The following RAB38 variants were observed in gnomAD, a reference collection of about 807,000 sequenced individuals.
RAB38 encodes RAB38, member RAS oncogene family.
Under a neutral mutation model 18.4 loss-of-function variants are expected in RAB38, and 15 were observed. The ratio of observed to expected loss-of-function variants is 0.82; its 90% CI spans 0.55 to 1.26. RAB38 has a LOEUF of 1.26. Among genes scored for constraint, RAB38 ranks in the 50% most tolerant of loss-of-function variants. The pLI is 0.00. For missense variants in RAB38, 294 were observed against 267.4 expected (o/e 1.10, Z -0.69); for synonymous variants, 101 against 104.4 (o/e 0.97, Z 0.20).
At position 88,173,434 on chromosome 11, in the gene RAB38, G is replaced by C. The variant is rs1017781479; in HGVS notation, c.202+1749C>G. 17 of 762,804 alleles carry C rather than the reference G, an allele frequency of 2.2e-5. No individual in the cohort carries two copies. The African/African-American group carries it at 3.2e-4, about 15-fold the overall frequency. The allele number at this position is 762,804 out of a possible 1,614,324, so 47.3% of individuals were successfully genotyped here. ...TACCTAAGATTGCCTACTACATGCA[G>C]AGTAAAGTAAGGATCCAGATGGAGG... On this transcript the variant is annotated intron_variant, in intron 1 of 2. Coordinates refer to ENST00000243662, the MANE Select transcript of RAB38 (RefSeq NM_022337.3).
chr11:88,015,313 ACT>A, the RAB38 span, among the ~76,000 whole-genome samples: 1 of 151,980 alleles, frequency 6.6e-6, no homozygotes, highest in Non-Finnish European at 1.5e-5. Flanking sequence ...TTCCTCAGAT[ACT>A]CTTTTTATTT....
At chr11:87,940,144 T>C in the RAB38 span, among the ~76,000 whole-genome samples, 16 of 148,102 alleles carry the variant, frequency 1.1e-4, no homozygotes, top group African/African-American at 2.5e-4. Flanking sequence ...GAAAGAAAGA[T>C]TGGACATTTA....
the RAB38 span, among the ~76,000 whole-genome samples, chr11:87,956,533 T>G: frequency 9.2e-5 from 14 of 152,086 alleles, no homozygotes; most frequent in African/African-American, 3.4e-4. Flanking sequence ...GTAGGAGATG[T>G]CTGTAGAAAC....
the RAB38 span, among the ~76,000 whole-genome samples, chr11:88,072,528 T>G: frequency 1.3e-5 from 2 of 152,186 alleles, no homozygotes; most frequent in East Asian, 3.9e-4. Flanking sequence ...TATTTAAAAT[T>G]TAGTGGCTGA....
chr11:87,961,454 T>C, the RAB38 span, among the ~76,000 whole-genome samples: 1 of 152,236 alleles, frequency 6.6e-6, no homozygotes, highest in Non-Finnish European at 1.5e-5. Context: ...GCCGTGCAAG[T>C]GGCCAGCCAT....
chr11:87,967,366 G>A, the RAB38 span, among the ~76,000 whole-genome samples: 1 of 152,134 alleles, frequency 6.6e-6, no homozygotes, highest in South Asian at 2.1e-4. Flanking sequence ...GTGTGGTTTG[G>A]ACCAACTTCA....
chr11:88,028,190 A>G, the RAB38 span, among the ~76,000 whole-genome samples: 1 of 152,232 alleles, frequency 6.6e-6, no homozygotes, highest in South Asian at 2.1e-4. Flanking sequence ...AAGGAAAACT[A>G]ACAAAAAGAA....
At chr11:87,909,622 C>G in the RAB38 span, among the ~76,000 whole-genome samples, 1 of 151,982 alleles carries the variant, frequency 6.6e-6, no homozygotes, top group Non-Finnish European at 1.5e-5. Flanking sequence ...TTTCTCCATG[C>G]CCCTTGTAGT....
chr11:88,028,661 AGAG>A, the RAB38 span, among the ~76,000 whole-genome samples: 3 of 152,194 alleles, frequency 2.0e-5, no homozygotes, highest in Non-Finnish European at 4.4e-5. Context: ...AAATGAAGCG[AGAG>A]GAGAAGTTTA....
At chr11:88,169,149 C>T (rs1445024348) in intron 1 of RAB38, among the ~76,000 whole-genome samples, 1 of 152,172 alleles carries the variant, frequency 6.6e-6, no homozygotes, top group Non-Finnish European at 1.5e-5. Context: ...GACTTGGAGA[C>T]TGGTGACATA....
chr11:88,119,793 G>A (rs954637339), intron 2 of RAB38, among the ~76,000 whole-genome samples: 5 of 151,744 alleles, frequency 3.3e-5, no homozygotes, highest in African/African-American at 7.3e-5. Context: ...AACTGTACCC[G>A]AGACTCCAAG....
the RAB38 span, among the ~76,000 whole-genome samples, chr11:87,853,753 A>C: frequency 1.3e-5 from 2 of 152,228 alleles, no homozygotes; most frequent in African/African-American, 4.8e-5. Flanking sequence ...TTCTGTTGCC[A>C]CTATGACAAA....
chr11:88,065,579 A>T, the RAB38 span, among the ~76,000 whole-genome samples: 1 of 152,228 alleles, frequency 6.6e-6, no homozygotes, highest in Non-Finnish European at 1.5e-5. Context: ...TAGGGAACAG[A>T]AGTAGCTAAA....
At chr11:87,976,114 G>A in the RAB38 span, among the ~76,000 whole-genome samples, 1 of 135,214 alleles carries the variant, frequency 7.4e-6, no homozygotes, top group Non-Finnish European at 1.6e-5. Flanking sequence ...ATATGTGTGC[G>A]TGTAAATATA....
the RAB38 span, among the ~76,000 whole-genome samples, chr11:87,868,733 A>C: frequency 6.6e-6 from 1 of 151,670 alleles, no homozygotes. Flanking sequence ...CAACTGAGGA[A>C]GGATGCTAGT....
At chr11:88,052,943 TAA>T in the RAB38 span, among the ~76,000 whole-genome samples, 21 of 115,662 alleles carry the variant, frequency 1.8e-4, no homozygotes, top group African/African-American at 6.4e-4. Flanking sequence ...TATATATATA[TAA>T]ATTATATATA....
At chr11:87,952,063 T>C in the RAB38 span, among the ~76,000 whole-genome samples, 5 of 151,992 alleles carry the variant, frequency 3.3e-5, no homozygotes, top group Admixed American at 2.6e-4. Flanking sequence ...CTGAGTGAAA[T>C]ACGTGGGTAG....
Position 88,175,291 on chromosome 11 carries a change from G to C in RAB38, c.94C>G (p.Gln32Glu). 6.2e-7 allele frequency: 1 copy of C among 1,614,204 alleles called. No individual in the cohort carries two copies. Among genetic ancestry groups the C allele is most frequent in the Non-Finnish European group, 8.5e-7 (1 of 1,180,026 alleles). ...KTSIIKRYVH[Q>E]NFSSHYRATI... ...GCCCGGTAGTGCGAAGAGAAGTTCT[G>C]GTGCACGTAGCGCTTGATGATACTG... Residue 32 changes from glutamine to glutamate, a missense_variant, in exon 1 of 3, where the codon CAG (glutamine) becomes GAG (glutamate). Coordinates refer to ENST00000243662, the MANE Select transcript of RAB38 (RefSeq NM_022337.3).
chr11:87,886,824 G>GTTTTTTTTTTTTTTT, the RAB38 span, among the ~76,000 whole-genome samples: 4 of 139,024 alleles, frequency 2.9e-5, no homozygotes, highest in Non-Finnish European at 6.1e-5. Flanking sequence ...TGAAGCACTT[G>GTTTTTTTTTTTTTTT]TTTTTTTTTT....
Sources: allele counts gnomAD v4.1 joint callset (sites outside exome capture counted in the v4.1 genomes callset), GRCh38; gene constraint gnomAD v4.1.1; transcripts MANE v1.5; gene names NCBI Gene and HGNC (gene_info 2026-07-23, HGNC 2026-07-21).